The following NTN5 variants were observed in gnomAD, a reference collection of about 807,000 sequenced individuals.
NTN5 encodes netrin 5, also known as netrin-5.
NTN5 carries 42 observed loss-of-function variants against 38.7 expected under a neutral mutation model. The observed-to-expected ratio is 1.08, with a 90% confidence interval of 0.85 to 1.40. NTN5 has a LOEUF of 1.40. Ranked by LOEUF, NTN5 falls within the 40% of genes most tolerant of loss-of-function variation. The pLI, the probability that NTN5 is intolerant of heterozygous loss-of-function variation, is 0.00. For missense variants in NTN5, 658 were observed against 716.5 expected, an observed-to-expected ratio of 0.92 and a Z score of 0.93; for synonymous variants, 329 against 303.9, an observed-to-expected ratio of 1.08 and a Z score of -0.86.
chr19:48,664,081 G>C (rs891069430), intron 4 of NTN5, 62 bp downstream of exon 4: 73 of 1,525,934 alleles, frequency 4.8e-5, no homozygotes, highest in Non-Finnish European at 6.4e-5. Context: ...CTGTGCACTG[G>C]AGACCTGGGA....
intron 3 of NTN5, 142 bp downstream of exon 3, chr19:48,664,437 T>G: frequency 1.1e-6 from 1 of 916,126 alleles, no homozygotes; most frequent in Non-Finnish European, 1.4e-6. Context: ...CCCCAGCCCC[T>G]CCTCCCTCAG....
At position 48,662,097 on chromosome 19, in the gene NTN5, GGTCCCGTGGGGT is replaced by G. The variant is rs979237166; in HGVS notation, c.1106-68_1106-57del. On this transcript the variant is annotated intron_variant, in intron 6 of 6. Coordinates refer to ENST00000270235, the MANE Select transcript of NTN5 (RefSeq NM_145807.4). ...GTGGGGAGCTTCCAGGGTACCTCTG[GGTCCCGTGGGGT>G]CAGTCACAGTGGGCAGGAGCCCGAG... 1.7e-5 allele frequency: 23 copies of G among 1,355,046 alleles called. No homozygotes were observed. The African/African-American group carries it at 3.4e-4, about 20-fold the overall frequency. 83.9% of individuals were successfully genotyped at this position (1,355,046 alleles called of 1,614,324 possible). A position where few individuals can be genotyped will look rare whatever the true frequency, so the allele number is the denominator to read the frequency against.
intron 2 of NTN5, among the ~76,000 whole-genome samples, chr19:48,666,830 TGCA>T (rs2031716895): frequency 6.6e-6 from 1 of 151,496 alleles, no homozygotes; most frequent in Admixed American, 6.6e-5. Context: ...TCCACAGGCA[TGCA>T]CCACCACACC....
At position 48,661,696 on chromosome 19, in the gene NTN5, C is replaced by G. The variant is rs199848394; in HGVS notation, c.1451G>C (p.Ser484Thr). ...GCRGVRAPTPSPRPEH is the reference protein window; with the variant it reads ...GCRGVRAPTPTPRPEH ...TCACGTCTAGTGCTCCGGCCTGGGA[C>G]TGGGTGTGGGTGCCCGCACGCCGCG... The change falls in exon 7 of 7, where the codon AGT (serine) becomes ACT (threonine). Residue 484 changes from serine to threonine, a missense_variant. Physicochemically the swap from Ser to Thr is moderately conservative, Grantham distance 58. Transcript: ENST00000270235. 2 of 1,556,484 alleles carry G rather than the reference C, an allele frequency of 1.3e-6. No homozygotes were observed. Among genetic ancestry groups the G allele is most frequent in the Non-Finnish European group, 8.6e-7 (1 of 1,161,166 alleles).
At position 48,670,971 on chromosome 19, in the gene NTN5, C is replaced by T; in HGVS notation, c.16G>A (p.Ala6Thr). Reference protein sequence around the residue: MPVTFALLLLLGQATA... With the variant: MPVTFTLLLLLGQATA... ...GCCTGGCCCAGGAGGAGCAGGAGGGCAAAGGTCACGGGCATGGTCACAGCA... is the reference window on the plus strand; with the variant it reads ...GCCTGGCCCAGGAGGAGCAGGAGGGTAAAGGTCACGGGCATGGTCACAGCA... Residue 6 changes from alanine to threonine, a missense_variant, in exon 2 of 7, where the codon GCC (alanine) becomes ACC (threonine). Ala to Thr is a moderately conservative substitution (Grantham distance 58, BLOSUM62 0). Transcript: ENST00000270235. The T allele has an allele frequency of 6.5e-7, 1 of 1,540,880 alleles. No homozygotes were observed. The highest frequency in any genetic ancestry group is 1.4e-5 in the African/African-American group (1 of 72,964).
rs758078058 is a variant in NTN5, at chr19:48,664,602, A to C, written c.797T>G (p.Ile266Ser). ...ACCTCTGCAGGCCCTGCGGCTGAAG[A>C]TAGGCTGGCTAGGGTCCCTCCAGAA... ...PGFWRDPSQP[I>S]FSRRACRACQ... Residue 266 changes from isoleucine to serine, a missense_variant, in exon 3 of 7, where the codon ATC becomes AGC. By Grantham distance (142) the Ile-to-Ser change is moderately radical. Coordinates refer to ENST00000270235, the MANE Select transcript of NTN5 (RefSeq NM_145807.4). 15 of 1,613,232 alleles carry C rather than the reference A, an allele frequency of 9.3e-6. No homozygotes were observed. The highest frequency in any genetic ancestry group is 1.7e-5 in the Admixed American group (1 of 59,920).
Position 48,670,752 on chromosome 19 carries a change from T to A in NTN5, c.235A>T (p.Ser79Cys). The change falls in exon 2 of 7, where the codon AGC (serine) becomes TGC (cysteine). Residue 79 changes from serine (S) to cysteine (C), a missense_variant. Coordinates refer to ENST00000270235, the MANE Select transcript of NTN5 (RefSeq NM_145807.4). Reference sequence around the variant, plus strand: ...GGTCCTGGGGTACAGAAGCGCAAGCTGACAGATGTCAGGAGGAAGGGGCCA... The same window carrying A: ...GGTCCTGGGGTACAGAAGCGCAAGCAGACAGATGTCAGGAGGAAGGGGCCA... Reference protein sequence around the residue: ...LGGPFLLTSVSLRFCTPGPPA... With the variant: ...LGGPFLLTSVCLRFCTPGPPA... 1 of 1,612,954 alleles carries A rather than the reference T, an allele frequency of 6.2e-7. No individual in the cohort carries two copies. The highest frequency in any genetic ancestry group is 8.5e-7 in the Non-Finnish European group (1 of 1,179,898).
rs1264165309 is a variant in NTN5 at position 48,670,884 on chromosome 19, G to C, written c.103C>G (p.Gln35Glu). Reference protein sequence around the residue: ...RPQFCLPPVTQLAAVAASCPQ... With the variant: ...RPQFCLPPVTELAAVAASCPQ... ...CAGGAGGCCGCCACGGCAGCCAGCT[G>C]TGTCACTGGCGGGAGGCAGAATTGG... The change falls in exon 2 of 7, where the codon CAG becomes GAG. Residue 35 changes from glutamine to glutamate, a missense_variant. Transcript: ENST00000270235. The C allele has an allele frequency of 1.2e-6, 2 of 1,610,288 alleles. No homozygotes were observed. Among genetic ancestry groups the C allele is most frequent in the Admixed American group, 1.7e-5 (1 of 59,680 alleles).
In NTN5 at chr19:48,664,192, G is replaced by A. The variant is rs1342735119; in HGVS notation, c.921C>T (p.Arg307=). Residue 307 remains arginine (R), a synonymous_variant, in exon 4 of 7, where the codon CGC becomes CGT. Coordinates refer to ENST00000270235, the MANE Select transcript of NTN5 (RefSeq NM_145807.4). ...GGCTCTGCTGGTAGCCAGGGCCACAGCGGTTGCAGGTCAGGCCTGTGACCC... is the reference window on the plus strand; with the variant it reads ...GGCTCTGCTGGTAGCCAGGGCCACAACGGTTGCAGGTCAGGCCTGTGACCC... ...KLGVTGLTCN[R]CGPGYQQSRS... is the part of the protein sequence containing the mutation. 1 of 1,610,096 alleles carries A rather than the reference G, an allele frequency of 6.2e-7. No individual in the cohort carries two copies. Among genetic ancestry groups the A allele is most frequent in the East Asian group, 2.2e-5 (1 of 44,766 alleles).
At chr19:48,671,669 G>A (rs752695238) in intron 1 of NTN5, among the ~76,000 whole-genome samples, 14 of 152,154 alleles carry the variant, frequency 9.2e-5, no homozygotes, top group Middle Eastern at 6.8e-3. Context: ...GGCTAGGGGT[G>A]TCTGGCGGGG....
Position 48,663,778 on chromosome 19 carries a change from G to A in NTN5, c.1007C>T (p.Pro336Leu). Reference sequence around the variant, plus strand: ...TGTCTTACCAGAGCTATAAGCACCAGGAGTAGTGGCAAGGGTGGTTGTTGC... The same window carrying A: ...TGTCTTACCAGAGCTATAAGCACCAAGAGTAGTGGCAAGGGTGGTTGTTGC... ...PEATTTLATT[P>L]GAYSSDPQCQ... Residue 336 changes from proline to leucine, a missense_variant, in exon 5 of 7, where the codon CCT becomes CTT. Pro to Leu is a moderately conservative substitution (Grantham distance 98, BLOSUM62 -3). Transcript: ENST00000270235. 1.2e-6 allele frequency: 2 copies of A among 1,614,138 alleles called. No homozygotes were observed. Among genetic ancestry groups the A allele is most frequent in the Non-Finnish European group, 1.7e-6 (2 of 1,179,984 alleles).
intron 2 of NTN5, among the ~76,000 whole-genome samples, chr19:48,666,611 C>A (rs1236208416): frequency 6.6e-6 from 1 of 150,844 alleles, no homozygotes; most frequent in African/African-American, 2.4e-5. Context: ...CTGATGGGCC[C>A]AAGGATCTGT....
chr19:48,669,147 TCACCACCATCAC>T, intron 2 of NTN5, among the ~76,000 whole-genome samples: 1 of 75,366 alleles, frequency 1.3e-5, no homozygotes. Flanking sequence ...ATCACCATCA[TCACCACCATCAC>T]CACCACCACC....
At chr19:48,669,135 A>ACCAC (rs1555749723) in intron 2 of NTN5, among the ~76,000 whole-genome samples, 1 of 88,350 alleles carries the variant, frequency 1.1e-5, no homozygotes, top group Non-Finnish European at 2.4e-5. Context: ...CACCATCATC[A>ACCAC]TATCACCATC....
chr19:48,664,587 G>A lies in NTN5; in HGVS notation c.812C>T (p.Ala271Val). 6.2e-7 allele frequency: 1 copy of A among 1,611,536 alleles called. No homozygotes were observed. The highest frequency in any genetic ancestry group is 1.1e-5 in the South Asian group (1 of 90,704). ...DPSQPIFSRR[A>V]CRACQCHPIG... ...CTGCAGGCCACACTCACCTCTGCAG[G>A]CCCTGCGGCTGAAGATAGGCTGGCT... Residue 271 changes from alanine (A) to valine (V), a missense_variant, in exon 3 of 7, where the codon GCC becomes GTC. Physicochemically the swap from Ala to Val is moderately conservative, Grantham distance 64. Coordinates refer to ENST00000270235, the MANE Select transcript of NTN5 (RefSeq NM_145807.4).
At chr19:48,668,186 A>C (rs1180710387) in intron 2 of NTN5, among the ~76,000 whole-genome samples, 2 of 152,098 alleles carry the variant, frequency 1.3e-5, no homozygotes, top group African/African-American at 2.4e-5. Flanking sequence ...TTGTTGCAGC[A>C]TCTAGGAACT....
At chr19:48,665,833 CAA>C (rs1284445680) in intron 2 of NTN5, among the ~76,000 whole-genome samples, 6 of 151,020 alleles carry the variant, frequency 4.0e-5, no homozygotes, top group African/African-American at 1.5e-4. Context: ...AAAAAAAAAA[CAA>C]AAAGAGTGGG....
In NTN5 at chr19:48,670,435, C is replaced by T. The variant is rs775253130; in HGVS notation, c.552G>A (p.Pro184=). 20 of 1,461,212 alleles carry T rather than the reference C, an allele frequency of 1.4e-5. No homozygotes were observed. The African/African-American group carries it at 1.6e-4, about 12-fold the overall frequency. The allele number at this position is 1,461,212 out of a possible 1,614,324, so 90.5% of individuals were successfully genotyped here. A position where few individuals can be genotyped will look rare whatever the true frequency, so the allele number is the denominator to read the frequency against. The change falls in exon 2 of 7, where the codon CCG becomes CCA. Residue 184 remains proline, a synonymous_variant. Transcript: ENST00000270235. ...GGGACGGGCGGCAGCTCTCGCACCCCGGGCCAGTGGTATGGTGGCGGCAGT... is the reference window on the plus strand; with the variant it reads ...GGGACGGGCGGCAGCTCTCGCACCCTGGGCCAGTGGTATGGTGGCGGCAGT... The part of the protein sequence containing the change: ...RCHCRHHTTG[P]GCESCRPSHR...
In NTN5 at chr19:48,664,764, C is replaced by A. The variant is rs1490518801; in HGVS notation, c.635G>T (p.Cys212Phe). Residue 212 changes from cysteine (C) to phenylalanine (F), a missense_variant, in exon 3 of 7, where the codon TGC becomes TTC. Physicochemically the swap from Cys to Phe is radical, Grantham distance 205. Coordinates refer to ENST00000270235, the MANE Select transcript of NTN5 (RefSeq NM_145807.4). The part of the protein sequence containing the change: ...TPRHPHPCLP[C>F]SCNQHARRCR... ...GCGTCGGGCGTGCTGGTTGCAGGAGCAGGCTAGGAGCAAAATGGGGTGGGG... is the reference window on the plus strand; with the variant it reads ...GCGTCGGGCGTGCTGGTTGCAGGAGAAGGCTAGGAGCAAAATGGGGTGGGG... 3.2e-6 allele frequency: 5 copies of A among 1,551,418 alleles called. No homozygotes were observed. The highest frequency in any genetic ancestry group is 4.4e-6 in the Non-Finnish European group (5 of 1,149,160).
Sources: allele counts gnomAD v4.1 joint callset (sites outside exome capture counted in the v4.1 genomes callset), GRCh38; gene constraint gnomAD v4.1.1; transcripts MANE v1.5; gene names NCBI Gene and HGNC (gene_info 2026-07-23, HGNC 2026-07-21).